Variants in XDH observed in about 807,000 individuals in gnomAD.
XDH encodes xanthine dehydrogenase, also known as xanthine dehydrogenase/oxidase.
In XDH, 138 loss-of-function variants were observed where a neutral mutation model predicts 156.1. The ratio of observed to expected loss-of-function variants is 0.88; its 90% CI spans 0.77 to 1.02. The LOEUF is 1.02. XDH is among the 50% of genes least tolerant of loss of function. The probability of loss-of-function intolerance (pLI) is 0.00; values close to 1 mark genes in which losing one functional copy is unlikely to be tolerated. For synonymous variants in XDH, 669 were observed against 625.7 expected (o/e 1.07, Z -1.03); for missense variants, 1,849 against 1,684.9 (o/e 1.10, Z -1.71).
chr2:31,386,081 T>G (rs1015005950), intron 9 of XDH, among the ~76,000 whole-genome samples: 2 of 152,178 alleles, frequency 1.3e-5, no homozygotes, highest in Non-Finnish European at 2.9e-5. Context: ...GTCAACTACA[T>G]GCAAGGATCT....
rs1684954455 is a variant in XDH at position 31,335,697 on chromosome 2, T to C, written c.*261A>G. On this transcript the variant is annotated 3_prime_UTR_variant, in exon 36 of 36. Transcript: ENST00000379416. ...CCTTCCCGACCCTATTCCAGATACA[T>C]GATTAAAACAGACAGAAAATGATCC... 5.2e-6 allele frequency: 3 copies of C among 580,536 alleles called. No homozygotes were observed. The South Asian group carries it at 5.9e-5, about 11-fold the overall frequency. The allele number at this position is 580,536 out of a possible 1,614,324, so 36.0% of individuals were successfully genotyped here. A position where few individuals can be genotyped will look rare whatever the true frequency, so the allele number is the denominator to read the frequency against.
intron 35 of XDH, among the ~76,000 whole-genome samples, chr2:31,336,345 G>A (rs759527966): frequency 6.6e-6 from 1 of 152,158 alleles, no homozygotes; most frequent in African/African-American, 2.4e-5. Flanking sequence ...TTTTTAAATC[G>A]CTGGTATGTT....
At chr2:31,387,257 C>T (rs1184113472) in intron 8 of XDH, among the ~76,000 whole-genome samples, 1 of 152,156 alleles carries the variant, frequency 6.6e-6, no homozygotes, top group Non-Finnish European at 1.5e-5. Flanking sequence ...GAAGTGTGCA[C>T]TTCAAAAACT....
In XDH at chr2:31,349,672, C is replaced by T; in HGVS notation, c.2969+14G>A. The T allele has an allele frequency of 3.1e-6, 5 of 1,613,708 alleles. No homozygotes were observed. Among genetic ancestry groups the T allele is most frequent in the Non-Finnish European group, 4.2e-6 (5 of 1,180,032 alleles). On this transcript the variant is annotated intron_variant, in intron 26 of 35. Coordinates refer to ENST00000379416, the MANE Select transcript of XDH (RefSeq NM_000379.4). ...ACCCAGAAGAGCAACTGGACTTCTACTCCTAGTGCTTACTTGTTGAACTTG... is the reference window on the plus strand; with the variant it reads ...ACCCAGAAGAGCAACTGGACTTCTATTCCTAGTGCTTACTTGTTGAACTTG...
At chr2:31,362,669 T>C (rs1443717252) in intron 24 of XDH, among the ~76,000 whole-genome samples, 2 of 152,234 alleles carry the variant, frequency 1.3e-5, no homozygotes, top group African/African-American at 4.8e-5. Context: ...AACTGTTTCA[T>C]TATAAAGTTC....
At chr2:31,369,990 A>G (rs1223714451) in intron 18 of XDH, among the ~76,000 whole-genome samples, 4 of 152,224 alleles carry the variant, frequency 2.6e-5, no homozygotes, top group Non-Finnish European at 4.4e-5. Context: ...TGAATTACCA[A>G]TTCACGTAGT....
rs367663739 is a variant in XDH at position 31,339,439 on chromosome 2, C to T, written c.3774+50G>A. On this transcript the variant is annotated intron_variant, in intron 34 of 35. Transcript: ENST00000379416. The stretch of plus-strand genomic sequence containing the variant: ...GAGGCCTCTCATCACCCGCTGGGGC[C>T]TCCCCCAGGGCAGATCAGAAGAGAC... 8 of 1,611,884 alleles carry T rather than the reference C, an allele frequency of 5.0e-6. No homozygotes were observed. In the South Asian group the frequency reaches 5.5e-5, roughly 11 times the overall value.
chr2:31,336,786 C>A, intron 35 of XDH, among the ~76,000 whole-genome samples: 1 of 100,012 alleles, frequency 1.0e-5, no homozygotes, highest in Non-Finnish European at 2.2e-5. Flanking sequence ...CCCACTTTAC[C>A]TATAAATCCA....
intron 6 of XDH, among the ~76,000 whole-genome samples, chr2:31,392,880 T>C (rs1686805452): frequency 6.6e-6 from 1 of 152,276 alleles, no homozygotes; most frequent in African/African-American, 2.4e-5. Flanking sequence ...GATTTTCTTT[T>C]TGACCATGTG....
At position 31,335,895 on chromosome 2, in the gene XDH, T is replaced by C; in HGVS notation, c.*63A>G. The C allele has an allele frequency of 1.3e-6, 2 of 1,552,620 alleles. No individual in the cohort carries two copies. The highest frequency in any genetic ancestry group is 1.8e-6 in the Non-Finnish European group (2 of 1,124,070). On this transcript the variant is annotated 3_prime_UTR_variant, in exon 36 of 36. Coordinates refer to ENST00000379416, the MANE Select transcript of XDH (RefSeq NM_000379.4). ...TTTAATAGATCCATGTTCTGTGGTATGTTCCTCCTGCTCCATGGAAGCCCA... is the reference window on the plus strand; with the variant it reads ...TTTAATAGATCCATGTTCTGTGGTACGTTCCTCCTGCTCCATGGAAGCCCA...
rs1158516790 is a variant in XDH at position 31,368,025 on chromosome 2, A to T, written c.2133T>A (p.Pro711=). 6.2e-7 allele frequency: 1 copy of T among 1,614,166 alleles called. No homozygotes were observed. Among genetic ancestry groups the T allele is most frequent in the Non-Finnish European group, 8.5e-7 (1 of 1,180,004 alleles). ...DAIKNNSFYG[P]ELKIEKGDLK... is the part of the protein sequence containing the mutation. ...GGTCCCCTTTCTCGATCTTCAGCTC[A>T]GGTCCATAAAAGGAGTTGTTCTTTA... Residue 711 remains proline (P), a synonymous_variant, in exon 20 of 36, where the codon CCT becomes CCA. Coordinates refer to ENST00000379416, the MANE Select transcript of XDH (RefSeq NM_000379.4).
intron 4 of XDH, 21 bp downstream of exon 4, chr2:31,401,199 A>G: frequency 6.2e-7 from 1 of 1,613,040 alleles, no homozygotes; most frequent in East Asian, 2.2e-5. Context: ...TCAAGAGCAC[A>G]GCTCCCTTTC....
intron 17 of XDH, 71 bp from the exon 18 acceptor site, chr2:31,370,549 A>G: frequency 6.3e-7 from 1 of 1,594,958 alleles, no homozygotes. Context: ...TGGTTGGACA[A>G]CCCTGTTCTT....
At chr2:31,410,730 G>C (rs1687319386) in intron 1 of XDH, among the ~76,000 whole-genome samples, 1 of 152,102 alleles carries the variant, frequency 6.6e-6, no homozygotes, top group African/African-American at 2.4e-5. Context: ...AATTCAATGT[G>C]AGGAACATTC....
Position 31,370,398 on chromosome 2 carries a change from A to T in XDH, c.1937T>A (p.Ile646Lys). The T allele has an allele frequency of 6.2e-7, 1 of 1,614,208 alleles. No homozygotes were observed. Among genetic ancestry groups the T allele is most frequent in the Non-Finnish European group, 8.5e-7 (1 of 1,180,036 alleles). The change falls in exon 18 of 36, where the codon ATA becomes AAA. Residue 646 changes from isoleucine to lysine, a missense_variant. Physicochemically the swap from Ile to Lys is moderately radical, Grantham distance 102. Coordinates refer to ENST00000379416, the MANE Select transcript of XDH (RefSeq NM_000379.4). The part of the protein sequence containing the change: ...ISADDVPGSN[I>K]TGICNDETVF... ...TGTCTCATCATTACAAATTCCAGTT[A>T]TGTTACTCCCAGGAACATCATCAGC... is the stretch of plus-strand genomic sequence containing the variant.
intron 23 of XDH, among the ~76,000 whole-genome samples, chr2:31,364,754 A>C (rs539575531): frequency 6.6e-5 from 10 of 152,334 alleles, no homozygotes; most frequent in African/African-American, 2.2e-4. Flanking sequence ...CCAGAAGATC[A>C]AGGAATCCTC....
intron 9 of XDH, among the ~76,000 whole-genome samples, chr2:31,385,398 G>A (rs1163334224): frequency 6.6e-6 from 1 of 152,092 alleles, no homozygotes; most frequent in Non-Finnish European, 1.5e-5. Flanking sequence ...GCGCACGAGG[G>A]AGGCGTCCAT....
chr2:31,353,013 A>C (rs1053912946), intron 24 of XDH, among the ~76,000 whole-genome samples: 4 of 146,848 alleles, frequency 2.7e-5, no homozygotes, highest in South Asian at 2.2e-4. Context: ...GAGCCACCGC[A>C]CCCAGCCACC....
At chr2:31,371,384 G>C (rs1391795562) in intron 17 of XDH, among the ~76,000 whole-genome samples, 1 of 152,210 alleles carries the variant, frequency 6.6e-6, no homozygotes, top group African/African-American at 2.4e-5. Flanking sequence ...AAGTCACTAA[G>C]CCAGAAAGCA....
Sources: allele counts gnomAD v4.1 joint callset (sites outside exome capture counted in the v4.1 genomes callset), GRCh38; gene constraint gnomAD v4.1.1; transcripts MANE v1.5; gene names NCBI Gene and HGNC (gene_info 2026-07-23, HGNC 2026-07-21).